The following ZNF148 variants were observed in gnomAD, a reference collection of about 807,000 sequenced individuals.
The protein encoded by ZNF148 is zinc finger protein 148, also known as Beta-Enolase Repressor Factor-1.
In ZNF148, 7 loss-of-function variants were observed where a neutral mutation model predicts 67.7. The observed-to-expected ratio is 0.10, with a 90% CI of 0.06 to 0.19. The LOEUF (loss-of-function observed/expected upper bound fraction) is 0.19, where lower values mean the gene tolerates loss of function less well. ZNF148 is among the 10% of genes least tolerant of loss of function. The pLI, the probability that ZNF148 is intolerant of heterozygous loss-of-function variation, is 1.00. For missense variants in ZNF148, 583 were observed against 947.1 expected, an observed-to-expected ratio of 0.62 and a Z score of 5.05; for synonymous variants, 333 against 330.7, an observed-to-expected ratio of 1.01 and a Z score of -0.08.
chr3:125,262,727 A>T (rs1035406771), intron 7 of ZNF148, among the ~76,000 whole-genome samples: 1 of 152,252 alleles, frequency 6.6e-6, no homozygotes, highest in Non-Finnish European at 1.5e-5. Flanking sequence ...CACTTCTAAG[A>T]TATTAAACTG....
chr3:125,365,860 A>G (rs1037859795), intron 1 of ZNF148, among the ~76,000 whole-genome samples: 2 of 152,198 alleles, frequency 1.3e-5, no homozygotes, highest in African/African-American at 2.4e-5. Flanking sequence ...GCATATTTCT[A>G]GTCATCTTCC....
intron 3 of ZNF148, among the ~76,000 whole-genome samples, chr3:125,320,928 A>G (rs996213489): frequency 2.9e-4 from 44 of 152,188 alleles, no homozygotes; most frequent in Admixed American, 4.6e-4. Context: ...AGAAATACAA[A>G]TATCAACCGG....
chr3:125,248,901 G>C (rs1192222827), intron 7 of ZNF148, among the ~76,000 whole-genome samples: 1 of 152,212 alleles, frequency 6.6e-6, no homozygotes, highest in Non-Finnish European at 1.5e-5. Context: ...TCTGCTGCAA[G>C]AGGTCTATTT....
At chr3:125,311,946 A>G (rs116758987) in intron 4 of ZNF148, among the ~76,000 whole-genome samples, 1 of 152,314 alleles carries the variant, frequency 6.6e-6, no homozygotes, top group East Asian at 1.9e-4. Context: ...AATCAAATCA[A>G]CAATAACTTT....
At chr3:125,330,292 C>T (rs1210612180) in intron 2 of ZNF148, among the ~76,000 whole-genome samples, 1 of 151,748 alleles carries the variant, frequency 6.6e-6, no homozygotes, top group Non-Finnish European at 1.5e-5. Context: ...TGGCAAAACC[C>T]TATCTCAAGA....
chr3:125,287,964 A>G (rs975398519), intron 5 of ZNF148, 139 bp downstream of exon 5: 6 of 1,177,908 alleles, frequency 5.1e-6, no homozygotes, highest in Non-Finnish European at 7.2e-6. Flanking sequence ...CACCACCTCC[A>G]TGCAGGCACG....
intron 1 of ZNF148, among the ~76,000 whole-genome samples, chr3:125,367,893 C>T (rs1942750674): frequency 6.6e-6 from 1 of 152,180 alleles, no homozygotes; most frequent in African/African-American, 2.4e-5. Flanking sequence ...GGGGGCTCAA[C>T]ATCTACCAAC....
intron 2 of ZNF148, 79 bp from the exon 3 acceptor site, chr3:125,323,523 T>C (rs766276572): frequency 7.3e-6 from 4 of 545,996 alleles, no homozygotes; most frequent in Non-Finnish European, 1.3e-5. Context: ...TGCAAATTGG[T>C]ATGAATACTG....
At chr3:125,278,324 T>A (rs987188075) in intron 6 of ZNF148, among the ~76,000 whole-genome samples, 2 of 152,130 alleles carry the variant, frequency 1.3e-5, no homozygotes, top group Non-Finnish European at 2.9e-5. Flanking sequence ...AGGAAAGTAT[T>A]CTCTGGCCTG....
intron 1 of ZNF148, among the ~76,000 whole-genome samples, chr3:125,366,905 A>T (rs1316095257): frequency 6.6e-6 from 1 of 152,182 alleles, no homozygotes; most frequent in African/African-American, 2.4e-5. Context: ...ATGCCTTTAA[A>T]GTTCTGTCTC....
At chr3:125,280,758 CAAA>C (rs1299591282) in intron 5 of ZNF148, among the ~76,000 whole-genome samples, 5 of 93,496 alleles carry the variant, frequency 5.3e-5, no homozygotes, top group Non-Finnish European at 8.3e-5. Flanking sequence ...TTGACGAAAG[CAAA>C]AAAAAAAAAA....
rs1470161870 is a variant in ZNF148, at chr3:125,367,686, C to T, written c.-234+7416G>A. 1.3e-5 allele frequency among the ~76,000 whole-genome samples: 2 copies of T among 152,198 alleles called. 1 individual carries two copies. Among genetic ancestry groups the T allele is most frequent in the Middle Eastern group, 6.3e-3 (2 of 316 alleles). ...CTCGTGTCTACTGGACACATGCCCTCAGTTCTGTCTATTCTATTCCGTAAT... is the reference window on the plus strand; with the variant it reads ...CTCGTGTCTACTGGACACATGCCCTTAGTTCTGTCTATTCTATTCCGTAAT... On this transcript the variant is annotated intron_variant, in intron 1 of 8. Coordinates refer to ENST00000360647, the MANE Select transcript of ZNF148 (RefSeq NM_021964.3).
At chr3:125,279,096 C>T (rs763613448) in intron 6 of ZNF148, 28 bp downstream of exon 6, 2 of 1,573,128 alleles carry the variant, frequency 1.3e-6, no homozygotes, top group Non-Finnish European at 1.7e-6. Context: ...CTTTAATGGC[C>T]ACAAGCCCAT....
intron 4 of ZNF148, among the ~76,000 whole-genome samples, chr3:125,298,536 A>G (rs1193453864): frequency 1.3e-5 from 2 of 151,262 alleles, no homozygotes; most frequent in South Asian, 2.1e-4. Flanking sequence ...GCGTCATTAA[A>G]TGAATAATGT....
intron 1 of ZNF148, among the ~76,000 whole-genome samples, chr3:125,338,560 T>C (rs1221942043): frequency 1.4e-5 from 2 of 146,728 alleles, no homozygotes; most frequent in Admixed American, 1.4e-4. Flanking sequence ...CTTGGAAGGC[T>C]GAGGCATGAG....
chr3:125,226,164 T>C lies in ZNF148; in HGVS notation c.*6177A>G, dbSNP rs758724515. 6.6e-6 allele frequency: 1 copy of C among 152,656 alleles called. No homozygotes were observed. Among genetic ancestry groups the C allele is most frequent in the African/African-American group, 2.4e-5 (1 of 41,468 alleles). 9.5% of individuals were successfully genotyped at this position (152,656 alleles called of 1,614,324 possible). On this transcript the variant is annotated 3_prime_UTR_variant, in exon 9 of 9. Transcript: ENST00000360647. Reference sequence around the variant, plus strand: ...CTAAAATATTCAATGACAGTAACATTTGACTCTTGCATTTTAGAATAACAT... The same window carrying C: ...CTAAAATATTCAATGACAGTAACATCTGACTCTTGCATTTTAGAATAACAT...
intron 7 of ZNF148, among the ~76,000 whole-genome samples, chr3:125,266,944 C>CTA (rs1937544261): frequency 6.6e-6 from 1 of 151,882 alleles, no homozygotes; most frequent in Non-Finnish European, 1.5e-5. Context: ...ACTAGAAAAT[C>CTA]TAGAGAATAT....
At chr3:125,335,482 AG>A (rs1463517340) in intron 1 of ZNF148, among the ~76,000 whole-genome samples, 1 of 152,220 alleles carries the variant, frequency 6.6e-6, no homozygotes, top group Non-Finnish European at 1.5e-5. Flanking sequence ...TAGAATTTCC[AG>A]AAAAAGACTT....
At chr3:125,351,275 A>C (rs1183370464) in intron 1 of ZNF148, among the ~76,000 whole-genome samples, 1 of 151,718 alleles carries the variant, frequency 6.6e-6, no homozygotes, top group Non-Finnish European at 1.5e-5. Context: ...CTAGCTACTC[A>C]GAAGGCTGAG....
Sources: gnomAD v4.1 joint callset for allele counts (sites outside exome capture counted in the v4.1 genomes callset) on GRCh38, gnomAD v4.1.1 for gene constraint, MANE v1.5 for transcripts, NCBI Gene and HGNC (gene_info 2026-07-23, HGNC 2026-07-21) for gene names.